Variants in MCM3AP observed in about 807,000 individuals in gnomAD.
The protein encoded by MCM3AP is germinal-center associated nuclear protein.
In MCM3AP, 126 loss-of-function variants were observed where a neutral mutation model predicts 184.1. That is an observed-to-expected ratio of 0.68 (90% confidence interval 0.59 to 0.79). The LOEUF (loss-of-function observed/expected upper bound fraction) is 0.79. MCM3AP is among the 30% of genes least tolerant of loss of function. The probability of loss-of-function intolerance (pLI) is 0.00; values close to 1 mark genes in which losing one functional copy is unlikely to be tolerated. For missense variants in MCM3AP, 2,496 were observed against 2,479.2 expected, an observed-to-expected ratio of 1.01 and a Z score of -0.14; for synonymous variants, 1,002 against 979.3, an observed-to-expected ratio of 1.02 and a Z score of -0.43.
chr21:46,256,013 G>C (rs936032170), intron 17 of MCM3AP, among the ~76,000 whole-genome samples: 1 of 152,218 alleles, frequency 6.6e-6, no homozygotes, highest in Non-Finnish European at 1.5e-5. Context: ...AAACCCACAA[G>C]ACAGTTTTCA....
intron 9 of MCM3AP, 45 bp downstream of exon 9, chr21:46,270,356 C>G: frequency 6.4e-7 from 1 of 1,564,770 alleles, no homozygotes; most frequent in Non-Finnish European, 8.7e-7. Context: ...AGCACAAGAA[C>G]CACCTGCTTT....
chr21:46,261,498 G>C, intron 13 of MCM3AP, 87 bp from the exon 14 acceptor site: 1 of 1,170,456 alleles, frequency 8.5e-7, no homozygotes, highest in South Asian at 1.3e-5. Flanking sequence ...ACTTTGGGAG[G>C]CTGAGGTGGG....
intron 16 of MCM3AP, among the ~76,000 whole-genome samples, chr21:46,257,392 T>G (rs1258288952): frequency 1.4e-5 from 2 of 145,614 alleles, no homozygotes; most frequent in Non-Finnish European, 3.0e-5. Flanking sequence ...GGAGAATCCC[T>G]TGAACCCAGG....
chr21:46,265,605 A>G (rs1430252932), intron 11 of MCM3AP, 82 bp from the exon 12 acceptor site: 6 of 1,167,674 alleles, frequency 5.1e-6, no homozygotes, highest in Non-Finnish European at 5.9e-6. Flanking sequence ...GTGCAGGGAC[A>G]GCCCCAGGCC....
At chr21:46,265,276 C>T in intron 12 of MCM3AP, 45 bp downstream of exon 12, 1 of 1,587,036 alleles carries the variant, frequency 6.3e-7, no homozygotes, top group Non-Finnish European at 8.6e-7. Flanking sequence ...CGTTTGCGCA[C>T]AATGGGCTTC....
chr21:46,284,006 G>A (rs997649023), intron 1 of MCM3AP, 62 bp downstream of exon 1: 7 of 1,561,378 alleles, frequency 4.5e-6, no homozygotes, highest in Non-Finnish European at 6.1e-6. Flanking sequence ...CTAACACCCA[G>A]AGAAACGTAT....
Position 46,240,896 on chromosome 21 carries a change from C to T in MCM3AP, c.5548G>A (p.Asp1850Asn), listed in dbSNP as rs767394521. The T allele has an allele frequency of 9.9e-6, 16 of 1,614,194 alleles. No homozygotes were observed. The highest frequency in any genetic ancestry group is 2.2e-5 in the East Asian group (1 of 44,886). ...TCAGCAGAAGCTCCTCGCATCAGAT[C>T]CTCTGTGCTGGGAATCCTCCCCTCT... is the stretch of plus-strand genomic sequence containing the variant. ...AQEGRIPSTE[D>N]LMRGASAEEL... Residue 1850 changes from aspartate (D) to asparagine (N), a missense_variant, in exon 26 of 28, where the codon GAT (aspartate) becomes AAT (asparagine). This residue lies in a region of MCM3AP where 1,323 missense variants were observed against 1,273.4 expected (regional missense o/e 1.04). Coordinates refer to ENST00000291688, the MANE Select transcript of MCM3AP (RefSeq NM_003906.5).
rs1287581889 is a variant in MCM3AP, at chr21:46,284,614, C to A, written c.673G>T (p.Ala225Ser). The A allele has an allele frequency of 6.2e-7, 1 of 1,614,162 alleles. No individual in the cohort carries two copies. Reference sequence around the variant, plus strand: ...TCCTCTACATTTTGGTTTGACAAAGCAGGGGTAAAGGCAGATAATGAATTA... The same window carrying A: ...TCCTCTACATTTTGGTTTGACAAAGAAGGGGTAAAGGCAGATAATGAATTA... ...SNNSLSAFTP[A>S]LSNQNVEEEK... The change falls in exon 1 of 28, where the codon GCT (alanine) becomes TCT (serine). Residue 225 changes from alanine (A) to serine (S), a missense_variant. Ala to Ser is a moderately conservative substitution (Grantham distance 99). Transcript: ENST00000291688.
At chr21:46,245,304 G>A in intron 22 of MCM3AP, 107 bp from the exon 23 acceptor site, 1 of 983,230 alleles carries the variant, frequency 1.0e-6, no homozygotes. Flanking sequence ...TAATACCAGA[G>A]TACTGGGCTC....
chr21:46,275,780 A>T (rs148324437), intron 5 of MCM3AP, among the ~76,000 whole-genome samples: 503 of 152,334 alleles, frequency 3.3e-3, no homozygotes, highest in Middle Eastern at 6.8e-3. Context: ...CACTATTCTA[A>T]AACTGTCTCA....
Position 46,285,037 on chromosome 21 carries a change from A to G in MCM3AP, c.250T>C (p.Phe84Leu). ...GTGGAAGTGTGCTCAAGTCCAGAAA[A>G]GGGTCCAACACTTGAGGTTTGGGTG... ...GFTQTSSVGP[F>L]SGLEHTSTFV... The change falls in exon 1 of 28, where the codon TTT (phenylalanine) becomes CTT (leucine). Residue 84 changes from phenylalanine (F) to leucine (L), a missense_variant. By Grantham distance (22) the Phe-to-Leu change is conservative. Coordinates refer to ENST00000291688, the MANE Select transcript of MCM3AP (RefSeq NM_003906.5). 1 of 1,614,198 alleles carries G rather than the reference A, an allele frequency of 6.2e-7. No homozygotes were observed.
chr21:46,284,336 C>T lies in MCM3AP; in HGVS notation c.951G>A (p.Arg317=), dbSNP rs2081372793. 6.2e-7 allele frequency: 1 copy of T among 1,614,200 alleles called. No individual in the cohort carries two copies. Among genetic ancestry groups the T allele is most frequent in the African/African-American group, 1.3e-5 (1 of 75,046 alleles). ...EPAEDSDPLS[R]GDHPPDKRPV... ...GTCGTTTGTCTGGAGGATGATCGCC[C>T]CGGGACAGAGGATCCGAATCTTCTG... Residue 317 remains arginine (R), a synonymous_variant, in exon 1 of 28, where the codon CGG becomes CGA. Transcript: ENST00000291688.
chr21:46,243,875 T>C, intron 23 of MCM3AP, 153 bp from the exon 24 acceptor site: 1 of 725,614 alleles, frequency 1.4e-6, no homozygotes, highest in Non-Finnish European at 2.2e-6. Flanking sequence ...GAAGAGCAGC[T>C]TGCTCCCAGG....
At chr21:46,271,482 CCA>C (rs2081179077) in intron 8 of MCM3AP, among the ~76,000 whole-genome samples, 1 of 152,084 alleles carries the variant, frequency 6.6e-6, no homozygotes, top group African/African-American at 2.4e-5. Flanking sequence ...GCACACATCA[CCA>C]CACCTGGTTA....
chr21:46,282,072 G>C (rs2081340592), intron 2 of MCM3AP, among the ~76,000 whole-genome samples: 1 of 152,142 alleles, frequency 6.6e-6, no homozygotes, highest in Non-Finnish European at 1.5e-5. Context: ...GGAGGCTAAG[G>C]CAGGAGGACA....
At chr21:46,243,301 T>C in intron 24 of MCM3AP, 164 bp downstream of exon 24, 1 of 877,038 alleles carries the variant, frequency 1.1e-6, no homozygotes. Flanking sequence ...TCCTAGCCTG[T>C]CTCAATGTTT....
chr21:46,243,489 G>GA lies in MCM3AP; in HGVS notation c.5271_5272insT (p.Pro1758SerfsTer13). 6.2e-7 allele frequency: 1 copy of GA among 1,612,322 alleles called. No homozygotes were observed. Among genetic ancestry groups the GA allele is most frequent in the Non-Finnish European group, 8.5e-7 (1 of 1,178,694 alleles). ...CCTGATGTAACAGGAAGCCGGGGGG[G>GA]CGTCCAGTCTCTCAGCTTGTGGTTG... On this transcript the variant is annotated frameshift_variant, in exon 24 of 28. Transcript: ENST00000291688. LOFTEE classifies it high-confidence loss of function.
At position 46,285,420 on chromosome 21, in the gene MCM3AP, A is replaced by G. The variant is rs1171808498; in HGVS notation, c.-134T>C. ...CTGAAAGAGAAAAATTCAGATCATC[A>G]TAGCTATGTTCTGCTACAAGTCTAA... On this transcript the variant is annotated 5_prime_UTR_variant, in exon 1 of 28. It removes an upstream start codon present in the reference 5' UTR. Transcript: ENST00000291688. 2 of 651,434 alleles carry G rather than the reference A, an allele frequency of 3.1e-6. No homozygotes were observed. Among genetic ancestry groups the G allele is most frequent in the South Asian group, 1.9e-5 (1 of 53,900 alleles). The allele number at this position is 651,434 out of a possible 1,614,324, so 40.4% of individuals were successfully genotyped here. A position where few individuals can be genotyped will look rare whatever the true frequency, so the allele number is the denominator to read the frequency against.
In MCM3AP at chr21:46,246,687, G is replaced by T; in HGVS notation, c.4490C>A (p.Pro1497His). 1 of 1,614,256 alleles carries T rather than the reference G, an allele frequency of 6.2e-7. No individual in the cohort carries two copies. Among genetic ancestry groups the T allele is most frequent in the Non-Finnish European group, 8.5e-7 (1 of 1,180,028 alleles). ...LQAKPFQPALPLVVLVPSPGG... is the reference protein window; with the variant it reads ...LQAKPFQPALHLVVLVPSPGG... The stretch of plus-strand genomic sequence containing the variant: ...TGGGCTAGGCACAAGAACCACCAGA[G>T]GAAGCGCAGGCTGGAAGGGCTTAGC... The change falls in exon 21 of 28, where the codon CCT becomes CAT. Residue 1497 changes from proline to histidine, a missense_variant. Around this residue, in one of 5 missense-constraint regions of MCM3AP, gnomAD observed 1,323 missense variants for 1,273.4 expected, o/e 1.04. Transcript: ENST00000291688.
Sources: allele counts gnomAD v4.1 joint callset (sites outside exome capture counted in the v4.1 genomes callset), GRCh38; gene constraint gnomAD v4.1.1; regional missense constraint gnomAD v4.1.1; transcripts MANE v1.5; gene names NCBI Gene and HGNC (gene_info 2026-07-23, HGNC 2026-07-21).